Variants in SH3KBP1 observed in about 807,000 individuals in gnomAD.
SH3KBP1 encodes the protein SH3 domain containing kinase binding protein 1.
SH3KBP1 carries 8 observed loss-of-function variants against 50.1 expected under a neutral mutation model. The ratio of observed to expected loss-of-function variants is 0.16; its 90% CI spans 0.09 to 0.29. SH3KBP1 has a LOEUF of 0.29. SH3KBP1 is among the 10% of genes least tolerant of loss of function. The pLI is 1.00. For missense variants in SH3KBP1, 377 were observed against 535.2 expected (o/e 0.70, Z 2.92); for synonymous variants, 227 against 218.6 (o/e 1.04, Z -0.34).
At chrX:19,799,945 A>G (rs1033738931) in intron 2 of SH3KBP1, 2 of 265,282 alleles carry the variant, frequency 7.5e-6, no homozygotes, top group Admixed American at 1.9e-4. Flanking sequence ...TGGAACCTGT[A>G]TGACTGAGGA....
chrX:19,645,132 A>T (rs1044405366), intron 7 of SH3KBP1, among the ~76,000 whole-genome samples: 2 of 111,912 alleles, frequency 1.8e-5, no homozygotes, highest in Admixed American at 9.5e-5. Flanking sequence ...ATATGGATAA[A>T]CCCTAGCTCT....
chrX:19,594,377 C>T (rs1415555206), intron 10 of SH3KBP1, among the ~76,000 whole-genome samples: 1 of 111,921 alleles, frequency 8.9e-6, no homozygotes, highest in Non-Finnish European at 1.9e-5. Flanking sequence ...ATCTGAACTA[C>T]ACAGAAAAAA....
At chrX:19,670,661 A>T (rs1275503470) in intron 6 of SH3KBP1, among the ~76,000 whole-genome samples, 2 of 110,020 alleles carry the variant, frequency 1.8e-5, no homozygotes, top group Admixed American at 1.9e-4. Flanking sequence ...CAGCTTTAGC[A>T]AATAATCCGT....
chrX:19,883,215 T>A (rs2069491060), intron 1 of SH3KBP1, among the ~76,000 whole-genome samples: 1 of 112,278 alleles, frequency 8.9e-6, no homozygotes, highest in Non-Finnish European at 1.9e-5. Context: ...AGCCAGAGAA[T>A]CTGTATCTCT....
At chrX:19,836,421 G>T (rs1457614273) in intron 1 of SH3KBP1, 139 bp from the exon 2 acceptor site, 23 of 550,529 alleles carry the variant, frequency 4.2e-5, no homozygotes, top group Non-Finnish European at 6.3e-5. Flanking sequence ...GCCACACACA[G>T]TAACCCAATT....
chrX:19,624,900 C>T (rs1027864313), intron 8 of SH3KBP1, among the ~76,000 whole-genome samples: 1 of 112,361 alleles, frequency 8.9e-6, no homozygotes, highest in Admixed American at 9.4e-5. Context: ...TGCTTAACTT[C>T]TTCATTCACT....
At chrX:19,760,031 TCTCTCTCTC>T (rs2065344090) in intron 2 of SH3KBP1, among the ~76,000 whole-genome samples, 1 of 68,925 alleles carries the variant, frequency 1.5e-5, no homozygotes, top group African/African-American at 7.2e-5. Flanking sequence ...CTCCTCTCTC[TCTCTCTCTC>T]CCTCTCTCTC....
chrX:19,882,467 C>T (rs1460885397), intron 1 of SH3KBP1, among the ~76,000 whole-genome samples: 1 of 111,144 alleles, frequency 9.0e-6, no homozygotes, highest in East Asian at 2.8e-4. Flanking sequence ...GAGAGAGCTG[C>T]CCAGCCGTTG....
chrX:19,680,550 A>G (rs1326908061), intron 6 of SH3KBP1, among the ~76,000 whole-genome samples: 1 of 111,256 alleles, frequency 9.0e-6, no homozygotes, highest in Admixed American at 9.6e-5. Flanking sequence ...AGCCTCACCT[A>G]CTGAATGCTA....
intron 1 of SH3KBP1, among the ~76,000 whole-genome samples, chrX:19,878,120 G>A (rs2147566037): frequency 9.0e-6 from 1 of 111,724 alleles, no homozygotes; most frequent in Non-Finnish European, 1.9e-5. Context: ...AGAACTGCCT[G>A]CAAGATATTT....
rs754698323 is a variant in SH3KBP1 at position 19,645,408 on chromosome X, C to T, written c.794G>A (p.Arg265Lys). 2.5e-6 allele frequency: 3 copies of T among 1,194,567 alleles called. No individual in the cohort carries two copies. Among genetic ancestry groups the T allele is most frequent in the Non-Finnish European group, 2.3e-6 (2 of 881,431 alleles). The stretch of plus-strand genomic sequence containing the variant: ...TAACTAAGGAAACTCACTCTTTGTC[C>T]TGCTGTCCATTTCTGTTTTTGATGA... Reference protein sequence around the residue: ...PDSSKTEMDSRTKSKDYCKVI... With the variant: ...PDSSKTEMDSKTKSKDYCKVI... Residue 265 changes from arginine (R) to lysine (K), a missense_variant, in exon 7 of 18, where the codon AGG (arginine) becomes AAG (lysine). Arg to Lys is a conservative substitution (Grantham distance 26). Coordinates refer to ENST00000397821, the MANE Select transcript of SH3KBP1 (RefSeq NM_031892.3).
chrX:19,750,732 G>C (rs187319773), intron 2 of SH3KBP1, among the ~76,000 whole-genome samples: 213 of 111,387 alleles, frequency 1.9e-3, no homozygotes, highest in African/African-American at 6.6e-3. Context: ...AGGTGATGAT[G>C]CTAGCAATGA....
At chrX:19,707,189 G>T in intron 3 of SH3KBP1, 1 of 520,085 alleles carries the variant, frequency 1.9e-6, no homozygotes, top group East Asian at 3.5e-5. Flanking sequence ...AAAAGCTGCT[G>T]GGTCAGAAAG....
At chrX:19,885,001 A>G (rs2069548449) in intron 1 of SH3KBP1, among the ~76,000 whole-genome samples, 1 of 111,945 alleles carries the variant, frequency 8.9e-6, no homozygotes, top group South Asian at 3.7e-4. Context: ...GCCAGGTAAG[A>G]ATATAAGTGT....
chrX:19,867,780 T>C (rs2068950529), intron 1 of SH3KBP1, among the ~76,000 whole-genome samples: 1 of 111,466 alleles, frequency 9.0e-6, no homozygotes, highest in Admixed American at 9.5e-5. Context: ...TCCTATCTTA[T>C]ATACAAAAAT....
chrX:19,743,737 T>G (rs1180452960), intron 3 of SH3KBP1, among the ~76,000 whole-genome samples: 1 of 112,455 alleles, frequency 8.9e-6, no homozygotes. Context: ...CAAAAACAGC[T>G]GGACACAATT....
At chrX:19,604,045 T>C (rs1174322216) in intron 9 of SH3KBP1, among the ~76,000 whole-genome samples, 8 of 111,596 alleles carry the variant, frequency 7.2e-5, no homozygotes, top group Non-Finnish European at 1.5e-4. Flanking sequence ...CTTTTTTTAA[T>C]GACAGTGAGC....
intron 3 of SH3KBP1, among the ~76,000 whole-genome samples, chrX:19,709,083 A>C (rs1208123404): frequency 8.9e-6 from 1 of 112,371 alleles, no homozygotes; most frequent in African/African-American, 3.2e-5. Flanking sequence ...GTAGGACCTG[A>C]AACAGAATAA....
intron 2 of SH3KBP1, among the ~76,000 whole-genome samples, chrX:19,798,742 T>G (rs2066799816): frequency 8.9e-6 from 1 of 111,787 alleles, no homozygotes; most frequent in Non-Finnish European, 1.9e-5. Context: ...CCACAAAAGA[T>G]GGCCTGAAAC....
Sources: allele counts gnomAD v4.1 joint callset (sites outside exome capture counted in the v4.1 genomes callset), GRCh38; gene constraint gnomAD v4.1.1; transcripts MANE v1.5; gene names NCBI Gene and HGNC (gene_info 2026-07-23, HGNC 2026-07-21).